Variants in RIMKLA observed in about 807,000 individuals in gnomAD.
RIMKLA encodes N-acetylaspartylglutamate synthase A.
Under a neutral mutation model 32.7 loss-of-function variants are expected in RIMKLA, and 14 were observed. The observed-to-expected ratio is 0.43, with a 90% CI of 0.28 to 0.67. The LOEUF is 0.67. Ranked by LOEUF, RIMKLA falls within the 30% of genes least tolerant of loss-of-function variation. The pLI is 0.18. For missense variants in RIMKLA, 410 were observed against 519.0 expected, an observed-to-expected ratio of 0.79 and a Z score of 2.04; for synonymous variants, 176 against 204.1, an observed-to-expected ratio of 0.86 and a Z score of 1.18.
chr1:42,411,336 TA>T (rs552496213), intron 4 of RIMKLA, among the ~76,000 whole-genome samples: 445 of 139,078 alleles, frequency 3.2e-3, no homozygotes, highest in Middle Eastern at 3.6e-3. Context: ...CCCTATCTCT[TA>T]AAAAAAAAAA....
At position 42,415,962 on chromosome 1, in the gene RIMKLA, G is replaced by A. The variant is rs1240843973; in HGVS notation, c.*988G>A. 1 of 151,948 alleles carries A rather than the reference G, an allele frequency of 6.6e-6. No homozygotes were observed. The highest frequency in any genetic ancestry group is 1.5e-5 in the Non-Finnish European group (1 of 68,016). 9.4% of individuals were successfully genotyped at this position (151,948 alleles called of 1,614,324 possible). On this transcript the variant is annotated 3_prime_UTR_variant, in exon 5 of 5. Coordinates refer to ENST00000431473, the MANE Select transcript of RIMKLA (RefSeq NM_173642.4). ...TGTTGGAGGTCTATTGAGTAGATGG[G>A]AGCCATTGGAAACACTCCAATCCCC... is the stretch of plus-strand genomic sequence containing the variant.
chr1:42,396,734 A>G (rs1300253011), intron 1 of RIMKLA, among the ~76,000 whole-genome samples: 2 of 151,452 alleles, frequency 1.3e-5, no homozygotes, highest in Admixed American at 6.6e-5. Flanking sequence ...AAAAATCTCC[A>G]TAAGTTGTCC....
At chr1:42,389,324 C>G (rs566835223) in intron 1 of RIMKLA, among the ~76,000 whole-genome samples, 3 of 152,134 alleles carry the variant, frequency 2.0e-5, no homozygotes, top group African/African-American at 4.8e-5. Flanking sequence ...CCTTTACACA[C>G]CTATCAAGGG....
At chr1:42,408,361 A>G (rs1383460644) in intron 3 of RIMKLA, among the ~76,000 whole-genome samples, 3 of 152,192 alleles carry the variant, frequency 2.0e-5, no homozygotes, top group African/African-American at 7.2e-5. Context: ...CATCCTGGTT[A>G]TAACATGTTT....
At chr1:42,410,982 G>A (rs557463751) in intron 4 of RIMKLA, among the ~76,000 whole-genome samples, 2 of 152,292 alleles carry the variant, frequency 1.3e-5, no homozygotes, top group African/African-American at 2.4e-5. Context: ...GTTGGATGCC[G>A]GGAATGTAGA....
rs1643317584 is a variant in RIMKLA at position 42,424,118 on chromosome 1, T to TGATA, written c.*9146_*9149dup. On this transcript the variant is annotated 3_prime_UTR_variant, in exon 5 of 5. Coordinates refer to ENST00000431473, the MANE Select transcript of RIMKLA (RefSeq NM_173642.4). The stretch of plus-strand genomic sequence containing the variant: ...GACAACTGGTCTGTACTGTATTGCC[T>TGATA]GATAGTATCATATCAATGTCAATTT... Among the ~76,000 whole-genome samples, 2 of 152,244 alleles carry TGATA rather than the reference T, an allele frequency of 1.3e-5. No individual in the cohort carries two copies. Among genetic ancestry groups the TGATA allele is most frequent in the Non-Finnish European group, 2.9e-5 (2 of 68,040 alleles).
rs143019101 is a variant in RIMKLA at position 42,394,844 on chromosome 1, C to A, written c.164-4560C>A. 4.7e-3 allele frequency among the ~76,000 whole-genome samples: 718 copies of A among 151,932 alleles called. 4 individuals are homozygous for A. Among genetic ancestry groups the A allele is most frequent in the African/African-American group, 0.016 (660 of 41,402 alleles). On this transcript the variant is annotated intron_variant, in intron 1 of 4. Transcript: ENST00000431473. The stretch of plus-strand genomic sequence containing the variant: ...CTCTGCCTCCTGGGTTCAAGTGATT[C>A]TTCTGCCTCAGCCTCCCAAGTAGCT...
intron 2 of RIMKLA, among the ~76,000 whole-genome samples, chr1:42,400,195 G>C (rs1185443514): frequency 6.6e-6 from 1 of 151,982 alleles, no homozygotes; most frequent in South Asian, 2.1e-4. Context: ...GGTATTCTGA[G>C]TAGTTTGTAG....
chr1:42,384,699 C>A (rs1642922519), intron 1 of RIMKLA, among the ~76,000 whole-genome samples: 1 of 151,640 alleles, frequency 6.6e-6, no homozygotes, highest in Non-Finnish European at 1.5e-5. Flanking sequence ...TACCTATTAG[C>A]TCTTCTAAAT....
Position 42,419,998 on chromosome 1 carries a change from G to A in RIMKLA, c.*5024G>A, listed in dbSNP as rs1643281774. On this transcript the variant is annotated 3_prime_UTR_variant, in exon 5 of 5. Coordinates refer to ENST00000431473, the MANE Select transcript of RIMKLA (RefSeq NM_173642.4). The stretch of plus-strand genomic sequence containing the variant: ...TGCTCCAGTTTCAATCAGCAACAAG[G>A]TCAAAAGTTTCCCCCCACTTTCTGT... The A allele has an allele frequency of 6.6e-6, 1 of 152,202 alleles. No homozygotes were observed. The allele number at this position is 152,202 out of a possible 1,614,324, so 9.4% of individuals were successfully genotyped here. A position where few individuals can be genotyped will look rare whatever the true frequency, so the allele number is the denominator to read the frequency against.
chr1:42,407,892 C>A (rs1272259685), intron 3 of RIMKLA, among the ~76,000 whole-genome samples: 1 of 151,920 alleles, frequency 6.6e-6, no homozygotes, highest in Admixed American at 6.6e-5. Flanking sequence ...TCCTTTTTTC[C>A]TTCTTGCCTT....
intron 1 of RIMKLA, among the ~76,000 whole-genome samples, chr1:42,386,125 G>C (rs1642944392): frequency 6.6e-6 from 1 of 151,794 alleles, no homozygotes; most frequent in South Asian, 2.1e-4. Flanking sequence ...GTTTCACCAT[G>C]TTGGCCAGGC....
At chr1:42,395,668 C>T (rs905773618) in intron 1 of RIMKLA, among the ~76,000 whole-genome samples, 2 of 152,084 alleles carry the variant, frequency 1.3e-5, no homozygotes, top group African/African-American at 4.8e-5. Flanking sequence ...GAAATGTTAA[C>T]GATCCTGGGA....
Position 42,414,574 on chromosome 1 carries a change from T to C in RIMKLA, c.776T>C (p.Ile259Thr). Reference sequence around the variant, plus strand: ...ATCCTAGGCATGGACTTCTGTGGCATTGATCTCCTTATCATGGACGATGGC... The same window carrying C: ...ATCCTAGGCATGGACTTCTGTGGCACTGATCTCCTTATCATGGACGATGGC... ...SNILGMDFCG[I>T]DLLIMDDGSF... The change falls in exon 5 of 5, where the codon ATT (isoleucine) becomes ACT (threonine). Residue 259 changes from isoleucine to threonine, a missense_variant. Transcript: ENST00000431473. The C allele has an allele frequency of 6.2e-7, 1 of 1,614,236 alleles. No individual in the cohort carries two copies. Among genetic ancestry groups the C allele is most frequent in the Non-Finnish European group, 8.5e-7 (1 of 1,180,034 alleles).
At chr1:42,399,226 CTGTT>C (rs1019573231) in intron 1 of RIMKLA, among the ~76,000 whole-genome samples, 174 bp from the exon 2 acceptor site, 11 of 152,084 alleles carry the variant, frequency 7.2e-5, no homozygotes, top group African/African-American at 2.7e-4. Flanking sequence ...CATGCTCTGC[CTGTT>C]TGTTTGGCGT....
intron 4 of RIMKLA, among the ~76,000 whole-genome samples, chr1:42,413,501 C>CAAA (rs201462707): frequency 1.7e-4 from 21 of 125,566 alleles, no homozygotes; most frequent in African/African-American, 4.0e-4. Context: ...AAGAGTCTCT[C>CAAA]AAAAAAAAAA....
intron 1 of RIMKLA, among the ~76,000 whole-genome samples, chr1:42,394,789 T>G (rs1265228873): frequency 4.0e-5 from 6 of 151,682 alleles, no homozygotes; most frequent in Non-Finnish European, 1.5e-5. Flanking sequence ...CAGGCTGGAG[T>G]GCAATGACGC....
At chr1:42,388,517 G>GT (rs35842187) in intron 1 of RIMKLA, among the ~76,000 whole-genome samples, 6,810 of 131,100 alleles carry the variant, frequency 0.052, 322 homozygotes, top group African/African-American at 0.1. Flanking sequence ...CTGAAAGCTT[G>GT]TTTTTTTTTT....
rs917363726 is a variant in RIMKLA, at chr1:42,412,730, G to A, written c.686-1754G>A. On this transcript the variant is annotated intron_variant, in intron 4 of 4. Coordinates refer to ENST00000431473, the MANE Select transcript of RIMKLA (RefSeq NM_173642.4). ...GAGCATGGCCTAATAAGAACCTGGC[G>A]TTTGCCTCTTTTTGGCTTTGGTGAT... The A allele has an allele frequency of 7.8e-6, 3 of 383,642 alleles. No individual in the cohort carries two copies. The Admixed American group carries it at 9.5e-5, about 12-fold the overall frequency. The allele number at this position is 383,642 out of a possible 1,614,324, so 23.8% of individuals were successfully genotyped here.
Sources: gnomAD v4.1 joint callset for allele counts (sites outside exome capture counted in the v4.1 genomes callset) on GRCh38, gnomAD v4.1.1 for gene constraint, MANE v1.5 for transcripts, NCBI Gene and HGNC (gene_info 2026-07-23, HGNC 2026-07-21) for gene names.